Variants in SRSF1 observed in about 807,000 individuals in gnomAD.
SRSF1 encodes the protein serine and arginine rich splicing factor 1, also known as serine/arginine-rich splicing factor 1.
In SRSF1, 1 loss-of-function variant was observed where a neutral mutation model predicts 25.9. The observed-to-expected ratio is 0.04, with a 90% CI of 0.01 to 0.18. The LOEUF (loss-of-function observed/expected upper bound fraction) is 0.18, where lower values mean the gene tolerates loss of function less well. Ranked by LOEUF, SRSF1 falls within the 10% of genes least tolerant of loss-of-function variation. The pLI is 1.00. For missense variants in SRSF1, 65 were observed against 350.5 expected (o/e 0.19, Z 6.50); for synonymous variants, 132 against 126.2 (o/e 1.05, Z -0.31).
the SRSF1 span, chr17:57,989,517 T>C: frequency 2.0e-5 from 8 of 397,544 alleles, no homozygotes; most frequent in South Asian, 1.4e-4. Flanking sequence ...ACTTCCCCCA[T>C]AGACAATAAA....
At chr17:57,989,519 G>A in the SRSF1 span, 3 of 397,478 alleles carry the variant, frequency 7.5e-6, no homozygotes, top group Non-Finnish European at 1.3e-5. Flanking sequence ...TTCCCCCATA[G>A]ACAATAAAAA....
In SRSF1 at chr17:58,005,767, T is replaced by C. The variant is rs548531395; in HGVS notation, c.552+34A>G. ...CACTGTTAAGACCACTGTATCCAAT[T>C]CTGGTCAAAGAAAAGAATACGTGTA... On this transcript the variant is annotated intron_variant, in intron 3 of 3. Coordinates refer to ENST00000258962, the MANE Select transcript of SRSF1 (RefSeq NM_006924.5). The surrounding 1 kb of genome is among the most constrained non-coding windows in gnomAD (Gnocchi z 5.2). 1 of 1,614,180 alleles carries C rather than the reference T, an allele frequency of 6.2e-7. No homozygotes were observed. Among genetic ancestry groups the C allele is most frequent in the East Asian group, 2.2e-5 (1 of 44,886 alleles).
the SRSF1 span, chr17:57,991,465 T>G: frequency 2.0e-5 from 3 of 152,186 alleles, no homozygotes. Flanking sequence ...ATTGGCAAGT[T>G]AATGGACCAA....
rs1598062294 is a variant in SRSF1 at position 58,007,201 on chromosome 17, C to T, written c.-64G>A. ...CCACCAAGCCTAGCGCACGGCAGAG[C>T]GAGCCCGCAGCGGCACCACGTCTCC... On this transcript the variant is annotated 5_prime_UTR_variant, in exon 1 of 4. Coordinates refer to ENST00000258962, the MANE Select transcript of SRSF1 (RefSeq NM_006924.5). 4 of 1,583,228 alleles carry T rather than the reference C, an allele frequency of 2.5e-6. No homozygotes were observed. Among genetic ancestry groups the T allele is most frequent in the East Asian group, 2.2e-5 (1 of 44,502 alleles).
chr17:57,993,533 A>G, the SRSF1 span: 5 of 152,276 alleles, frequency 3.3e-5, no homozygotes, highest in Non-Finnish European at 7.3e-5. Flanking sequence ...TAAGCTGTGA[A>G]TAACACATCA....
the SRSF1 span, chr17:57,992,215 AAT>A: frequency 2.0e-5 from 3 of 152,242 alleles, no homozygotes; most frequent in East Asian, 5.8e-4. Context: ...TCGCAAGTAA[AAT>A]AGCATAGACC....
chr17:57,994,116 C>T, the SRSF1 span: 1 of 152,344 alleles, frequency 6.6e-6, no homozygotes, highest in Admixed American at 6.5e-5. Context: ...GCATCATATA[C>T]TTATTCCTCA....
Position 58,007,220 on chromosome 17 carries a change from C to T in SRSF1, c.-83G>A, listed in dbSNP as rs1567749609. 1 of 1,520,522 alleles carries T rather than the reference C, an allele frequency of 6.6e-7. No individual in the cohort carries two copies. The highest frequency in any genetic ancestry group is 9.0e-7 in the Non-Finnish European group (1 of 1,116,140). The allele number at this position is 1,520,522 out of a possible 1,614,324, so 94.2% of individuals were successfully genotyped here. ...GCAGAGCGAGCCCGCAGCGGCACCACGTCTCCCGCGGCCCCTCCAAAATGG... is the reference window on the plus strand; with the variant it reads ...GCAGAGCGAGCCCGCAGCGGCACCATGTCTCCCGCGGCCCCTCCAAAATGG... On this transcript the variant is annotated 5_prime_UTR_variant, in exon 1 of 4. The change creates a new upstream start codon in the 5' untranslated region. Coordinates refer to ENST00000258962, the MANE Select transcript of SRSF1 (RefSeq NM_006924.5).
the SRSF1 span, chr17:57,994,338 C>G: frequency 1.3e-5 from 2 of 152,192 alleles, no homozygotes; most frequent in Non-Finnish European, 2.9e-5. Flanking sequence ...AAGAAAAGCA[C>G]ATGAAGAGTC....
rs1432879548 is a variant in SRSF1, at chr17:58,001,666, A to G, written c.*3740T>C. Among the ~76,000 whole-genome samples the G allele has an allele frequency of 6.6e-6, 1 of 152,226 alleles. No homozygotes were observed. The highest frequency in any genetic ancestry group is 2.4e-5 in the African/African-American group (1 of 41,464). ...GGAGAAGAGGGGGAAATTCCAAGAC[A>G]GCTTTTGTAGTTTCAAAAGGGTGTA... On this transcript the variant is annotated 3_prime_UTR_variant, in exon 4 of 4. Transcript: ENST00000258962.
chr17:58,006,119 G>T, intron 2 of SRSF1, 146 bp from the exon 3 acceptor site: 1 of 984,884 alleles, frequency 1.0e-6, no homozygotes, highest in Non-Finnish European at 1.5e-6. Flanking sequence ...TAAGATTCTG[G>T]AATCCAGAGT....
At chr17:58,006,281 A>C (rs2075426652) in intron 2 of SRSF1, 62 bp downstream of exon 2, 1 of 1,529,604 alleles carries the variant, frequency 6.5e-7, no homozygotes, top group Admixed American at 2.2e-5. Context: ...CCTGTCACGC[A>C]AGAGAAAAAT....
rs2075406676 is a variant in SRSF1 at position 58,003,437 on chromosome 17, T to C, written c.*1969A>G. 1 of 152,220 alleles carries C rather than the reference T, an allele frequency of 6.6e-6. No individual in the cohort carries two copies. The highest frequency in any genetic ancestry group is 2.4e-5 in the African/African-American group (1 of 41,456). The allele number at this position is 152,220 out of a possible 1,614,324, so 9.4% of individuals were successfully genotyped here. ...CTTATCTTACTTAACAATTTAAAGATTAACTGATAGACCCAGTTAGAATCT... is the reference window on the plus strand; with the variant it reads ...CTTATCTTACTTAACAATTTAAAGACTAACTGATAGACCCAGTTAGAATCT... On this transcript the variant is annotated 3_prime_UTR_variant, in exon 4 of 4. Coordinates refer to ENST00000258962, the MANE Select transcript of SRSF1 (RefSeq NM_006924.5).
At chr17:58,006,855 G>T in intron 1 of SRSF1, 89 bp downstream of exon 1, 1 of 1,473,264 alleles carries the variant, frequency 6.8e-7, no homozygotes, top group Non-Finnish European at 9.3e-7. Context: ...AAGAGCCCCC[G>T]CTTCCCCGTT....
downstream of SRSF1, among the ~76,000 whole-genome samples, chr17:57,997,335 C>G (rs1029771613): frequency 1.3e-5 from 2 of 152,116 alleles, no homozygotes; most frequent in African/African-American, 4.8e-5. Flanking sequence ...AATAATCCAC[C>G]CAGTTAACGA....
At chr17:58,006,863 G>C in intron 1 of SRSF1, 81 bp downstream of exon 1, 3 of 1,509,722 alleles carry the variant, frequency 2.0e-6, no homozygotes, top group East Asian at 4.5e-5. Context: ...CCGCTTCCCC[G>C]TTCTCTATGT....
At chr17:57,995,885 G>A in the SRSF1 span, among the ~76,000 whole-genome samples, 1,163 of 152,296 alleles carry the variant, frequency 7.6e-3, 11 homozygotes, top group African/African-American at 0.027. Flanking sequence ...GCTCATATCT[G>A]TAATCCCAGC....
Position 58,007,186 on chromosome 17 carries a change from T to C in SRSF1, c.-49A>G. On this transcript the variant is annotated 5_prime_UTR_variant, in exon 1 of 4. Coordinates refer to ENST00000258962, the MANE Select transcript of SRSF1 (RefSeq NM_006924.5). ...CGAGAACAGGCCTTCCCACCAAGCC[T>C]AGCGCACGGCAGAGCGAGCCCGCAG... The C allele has an allele frequency of 6.2e-7, 1 of 1,604,720 alleles. No homozygotes were observed. Among genetic ancestry groups the C allele is most frequent in the Middle Eastern group, 1.7e-4 (1 of 6,020 alleles).
At chr17:57,989,038 T>G in the SRSF1 span, 38 of 377,900 alleles carry the variant, frequency 1.0e-4, no homozygotes, top group South Asian at 1.5e-4. Context: ...ACAAGTGAGA[T>G]AGTATAGACA....
Sources: gnomAD v4.1 joint callset for allele counts (sites outside exome capture counted in the v4.1 genomes callset) on GRCh38, gnomAD v4.1.1 for gene constraint, Gnocchi (gnomAD v3.1) non-coding constraint, MANE v1.5 for transcripts, NCBI Gene and HGNC (gene_info 2026-07-23, HGNC 2026-07-21) for gene names.